OGDH: variants seen among roughly 807,000 people sequenced by gnomAD.
The protein encoded by OGDH is 2-oxoglutarate dehydrogenase complex component E1.
OGDH carries 38 observed loss-of-function variants against 116.6 expected under a neutral mutation model. That is an observed-to-expected ratio of 0.33 (90% CI 0.25 to 0.43). The LOEUF is 0.43. Among genes scored for constraint, OGDH ranks in the 20% least tolerant of loss-of-function variants. OGDH has a pLI of 1.00. For missense variants in OGDH, 825 were observed against 1,357.2 expected (o/e 0.61, Z 6.16); for synonymous variants, 488 against 533.3 (o/e 0.92, Z 1.17).
At chr7:44,675,396 G>C (rs1049958532) in intron 8 of OGDH, 128 bp downstream of exon 8, 1 of 791,154 alleles carries the variant, frequency 1.3e-6, no homozygotes, top group African/African-American at 1.7e-5. Context: ...TGCCTTCCTT[G>C]TTGGGAGAAT....
At chr7:44,683,212 G>T (rs774394100) in intron 10 of OGDH, among the ~76,000 whole-genome samples, 1 of 152,074 alleles carries the variant, frequency 6.6e-6, no homozygotes, top group African/African-American at 2.4e-5. Flanking sequence ...TTATTTTTAA[G>T]ATGGCATTAT....
intron 4 of OGDH, among the ~76,000 whole-genome samples, chr7:44,666,186 C>T (rs1390295240): frequency 1.3e-5 from 2 of 152,152 alleles, no homozygotes; most frequent in Non-Finnish European, 2.9e-5. Context: ...TGCACCCCTG[C>T]CTGGAGCTCC....
Position 44,694,440 on chromosome 7 carries a change from A to G in OGDH, c.1532A>G (p.Asn511Ser). 6.2e-7 allele frequency: 1 copy of G among 1,613,888 alleles called. No homozygotes were observed. ...TCTGAGCAGGTGTGTTACCGGCGCAACGGCCACAACGAGATGGATGAGCCC... is the reference window on the plus strand; with the variant it reads ...TCTGAGCAGGTGTGTTACCGGCGCAGCGGCCACAACGAGATGGATGAGCCC... ...VVVDLVCYRR[N>S]GHNEMDEPMF... The change falls in exon 12 of 23, where the codon AAC becomes AGC. Residue 511 changes from asparagine (N) to serine (S), a missense_variant. Physicochemically the swap from Asn to Ser is conservative, Grantham distance 46 (BLOSUM62 1). Coordinates refer to ENST00000222673, the MANE Select transcript of OGDH (RefSeq NM_002541.4). This position sits in a 1 kb window ranked among gnomAD's most constrained non-coding sequence, Gnocchi z 4.2.
chr7:44,607,647 A>C (rs1453409918), intron 1 of OGDH, among the ~76,000 whole-genome samples: 3 of 152,212 alleles, frequency 2.0e-5, no homozygotes, highest in Non-Finnish European at 4.4e-5. Flanking sequence ...AGTTTTGTAA[A>C]TTAGCTGAGG....
chr7:44,648,705 T>C (rs1415338116), intron 4 of OGDH, among the ~76,000 whole-genome samples: 1 of 152,206 alleles, frequency 6.6e-6, no homozygotes, highest in Non-Finnish European at 1.5e-5. Context: ...TACTAAGTTA[T>C]GTCTAGGGGA....
Position 44,676,103 on chromosome 7 carries a change from A to G in OGDH, c.1160A>G (p.Lys387Arg), listed in dbSNP as rs771158873. The G allele has an allele frequency of 1.2e-6, 2 of 1,614,088 alleles. No homozygotes were observed. The highest frequency in any genetic ancestry group is 1.7e-6 in the Non-Finnish European group (2 of 1,180,016). ...GCCGCTGACCCCGTGGTGATGGGCA[A>G]GACCAAAGCCGAACAGTTTTACTGT... is the stretch of plus-strand genomic sequence containing the variant. ...LEAADPVVMG[K>R]TKAEQFYCGD... Residue 387 changes from lysine to arginine, a missense_variant, in exon 9 of 23, where the codon AAG becomes AGG. Transcript: ENST00000222673.
chr7:44,649,242 G>GT (rs1271100290), intron 4 of OGDH, among the ~76,000 whole-genome samples: 41 of 125,316 alleles, frequency 3.3e-4, no homozygotes, highest in South Asian at 2.1e-3. Context: ...CTCATTTTCT[G>GT]TTGTTTTTTT....
chr7:44,642,978 C>T (rs185580325), intron 2 of OGDH, among the ~76,000 whole-genome samples: 29 of 151,542 alleles, frequency 1.9e-4, no homozygotes, highest in Admixed American at 1.6e-3. Context: ...ATTATTTGGC[C>T]TGGTCCTGGT....
At chr7:44,687,410 A>T (rs975440270) in intron 10 of OGDH, among the ~76,000 whole-genome samples, 8 of 149,722 alleles carry the variant, frequency 5.3e-5, no homozygotes, top group African/African-American at 7.4e-5. Flanking sequence ...AAAAAAAGAA[A>T]TTTTTTTTGT....
intron 1 of OGDH, among the ~76,000 whole-genome samples, chr7:44,615,184 A>G (rs1295170614): frequency 1.3e-5 from 2 of 152,140 alleles, no homozygotes; most frequent in Non-Finnish European, 2.9e-5. Flanking sequence ...CAACCTGGAC[A>G]TTCTGGGTGT....
At chr7:44,661,482 G>T (rs951739997) in intron 4 of OGDH, among the ~76,000 whole-genome samples, 1 of 151,976 alleles carries the variant, frequency 6.6e-6, no homozygotes, top group African/African-American at 2.4e-5. Flanking sequence ...GGGCTCAAGT[G>T]TGCCATTTTA....
intron 10 of OGDH, among the ~76,000 whole-genome samples, chr7:44,688,874 C>G (rs556174407): frequency 6.6e-6 from 1 of 151,978 alleles, no homozygotes. Flanking sequence ...CTGAACCTCC[C>G]GAGTAGCTGG....
chr7:44,681,308 C>A (rs1436495072), intron 9 of OGDH, among the ~76,000 whole-genome samples: 1 of 152,198 alleles, frequency 6.6e-6, no homozygotes, highest in Non-Finnish European at 1.5e-5. Context: ...GTCAAGGGTG[C>A]AAAGACAAGA....
chr7:44,626,306 T>TACACAC (rs374833881), intron 2 of OGDH, among the ~76,000 whole-genome samples: 130 of 136,892 alleles, frequency 9.5e-4, no homozygotes, highest in East Asian at 3.8e-3. Flanking sequence ...CACACACCCC[T>TACACAC]ACACACACAC....
chr7:44,643,006 C>A (rs2115749423), intron 2 of OGDH, among the ~76,000 whole-genome samples: 1 of 151,548 alleles, frequency 6.6e-6, no homozygotes, highest in Admixed American at 6.6e-5. Flanking sequence ...AACTGGATTC[C>A]CATCACTTTG....
Position 44,697,036 on chromosome 7 carries a change from G to T in OGDH, c.2023G>T (p.Gly675Cys). Residue 675 changes from glycine (G) to cysteine (C), a missense_variant, in exon 15 of 23, where the codon GGC (glycine) becomes TGC (cysteine). Gly to Cys is a radical substitution (Grantham distance 159). Transcript: ENST00000222673. This position sits in a 1 kb window ranked among gnomAD's most constrained non-coding sequence, Gnocchi z 6.0. ...LKEGIHIRLS[G>C]QDVERGTFSH... ...GGAGGGCATCCACATTCGGCTGAGCGGCCAGGACGTGGAGCGGGGCACATT... is the reference window on the plus strand; with the variant it reads ...GGAGGGCATCCACATTCGGCTGAGCTGCCAGGACGTGGAGCGGGGCACATT... 1 of 1,614,154 alleles carries T rather than the reference G, an allele frequency of 6.2e-7. No individual in the cohort carries two copies. Among genetic ancestry groups the T allele is most frequent in the East Asian group, 2.2e-5 (1 of 44,882 alleles).
intron 2 of OGDH, among the ~76,000 whole-genome samples, chr7:44,635,204 CTT>C (rs1177214536): frequency 6.6e-6 from 1 of 152,172 alleles, no homozygotes; most frequent in Non-Finnish European, 1.5e-5. Context: ...CAGCAGCTGA[CTT>C]TTTATCAGCT....
At chr7:44,675,375 C>A in intron 8 of OGDH, 107 bp downstream of exon 8, 1 of 921,432 alleles carries the variant, frequency 1.1e-6, no homozygotes, top group Non-Finnish European at 1.7e-6. Context: ...TCTTCTGTAC[C>A]ATTTGTGATT....
In OGDH at chr7:44,624,399, CTGT is replaced by C; in HGVS notation, c.58_60del (p.Val20del). On this transcript the variant is annotated inframe_deletion, in exon 2 of 23. Coordinates refer to ENST00000222673, the MANE Select transcript of OGDH (RefSeq NM_002541.4). ...TTGAGGCCATTGACGGCTTCCCAGACTGTTAAGACATTTTCACAAAACAGACCA... is the reference window on the plus strand; with the variant it reads ...TTGAGGCCATTGACGGCTTCCCAGACTAAGACATTTTCACAAAACAGACCA... 6.2e-7 allele frequency: 1 copy of C among 1,603,068 alleles called. No individual in the cohort carries two copies. The highest frequency in any genetic ancestry group is 8.5e-7 in the Non-Finnish European group (1 of 1,175,752).
Sources: allele counts gnomAD v4.1 joint callset (sites outside exome capture counted in the v4.1 genomes callset), GRCh38; gene constraint gnomAD v4.1.1; non-coding constraint Gnocchi (gnomAD v3.1); transcripts MANE v1.5; gene names NCBI Gene and HGNC (gene_info 2026-07-23, HGNC 2026-07-21).